NF1: variants seen among roughly 807,000 people sequenced by gnomAD.
NF1 encodes the protein neurofibromin 1, also known as neurofibromin.
In NF1, 122 loss-of-function variants were observed where a neutral mutation model predicts 325.7. That is an observed-to-expected ratio of 0.37 (90% CI 0.32 to 0.44). The LOEUF is 0.44. NF1 is among the 20% of genes least tolerant of loss of function. The pLI is 1.00. For synonymous variants in NF1, 1,091 were observed against 1,186.0 expected (o/e 0.92, Z 1.65); for missense variants, 2,140 against 3,415.4 (o/e 0.63, Z 9.31).
At position 31,366,238 on chromosome 17, in the gene NF1, A is replaced by AT. The variant is rs200123320; in HGVS notation, c.8377+5544dup. 4.6e-3 allele frequency among the ~76,000 whole-genome samples: 697 copies of AT among 151,542 alleles called. 6 individuals are homozygous for AT. The highest frequency in any genetic ancestry group is 0.016 in the African/African-American group (664 of 41,334). On this transcript the variant is annotated intron_variant, in intron 57 of 57. Transcript: ENST00000358273. Reference sequence around the variant, plus strand: ...CATGAGCCACCGCACCTGGCCTAAAATTTTTTTTTACTAGGAAAAAGGCTT... The same window carrying AT: ...CATGAGCCACCGCACCTGGCCTAAAATTTTTTTTTTACTAGGAAAAAGGCTT...
At chr17:31,270,008 TG>T (rs1305507520) in intron 36 of NF1, among the ~76,000 whole-genome samples, 1 of 152,198 alleles carries the variant, frequency 6.6e-6, no homozygotes, top group Non-Finnish European at 1.5e-5. Flanking sequence ...GTTACTAGAA[TG>T]AGGCAAAATG....
At chr17:31,242,728 AC>A (rs2067322060) in intron 29 of NF1, among the ~76,000 whole-genome samples, 1 of 152,150 alleles carries the variant, frequency 6.6e-6, no homozygotes, top group Non-Finnish European at 1.5e-5. Flanking sequence ...CTTCCTCAAA[AC>A]AGCTATTTTG....
Position 31,376,962 on chromosome 17 carries a change from A to C in NF1, c.*2807A>C, listed in dbSNP as rs1200159145. 4.3e-6 allele frequency: 1 copy of C among 233,252 alleles called. No homozygotes were observed. The highest frequency in any genetic ancestry group is 5.6e-5 in the Admixed American group (1 of 17,780). The allele number at this position is 233,252 out of a possible 1,614,324, so 14.4% of individuals were successfully genotyped here. ...TGCCCAGGACACATCCTAAACAGTC[A>C]GCTTCTATCCTGTGTCCTAGTTGGG... is the stretch of plus-strand genomic sequence containing the variant. On this transcript the variant is annotated 3_prime_UTR_variant, in exon 58 of 58. Transcript: ENST00000358273.
intron 30 of NF1, chr17:31,252,395 T>C (rs1222338868): frequency 5.1e-6 from 1 of 197,936 alleles, no homozygotes; most frequent in Admixed American, 6.1e-5. Flanking sequence ...GAGAGAGGTC[T>C]TTAATTCAGA....
chr17:31,262,253 A>ATT (rs1442567468), intron 35 of NF1, among the ~76,000 whole-genome samples: 1 of 152,222 alleles, frequency 6.6e-6, no homozygotes, highest in Non-Finnish European at 1.5e-5. Flanking sequence ...CTACTACACT[A>ATT]TAACATTTTT....
chr17:31,193,256 G>A (rs1392930101), intron 8 of NF1, among the ~76,000 whole-genome samples: 2 of 152,156 alleles, frequency 1.3e-5, no homozygotes, highest in East Asian at 1.9e-4. Context: ...AGGTGATTGT[G>A]ATGCACATTG....
chr17:31,187,175 G>T (rs1287027411), intron 8 of NF1, among the ~76,000 whole-genome samples: 2 of 152,114 alleles, frequency 1.3e-5, no homozygotes, highest in Non-Finnish European at 2.9e-5. Context: ...GTGCCAGTGG[G>T]CTCATGCTCA....
intron 31 of NF1, chr17:31,254,273 C>CAAAAAAA (rs35958218): frequency 8.4e-4 from 63 of 74,978 alleles, no homozygotes; most frequent in East Asian, 1.3e-3. Flanking sequence ...CCCTGTCTCA[C>CAAAAAAA]AAAAAAAAAA....
At chr17:31,345,214 CA>C (rs1265186774) in intron 48 of NF1, among the ~76,000 whole-genome samples, 4 of 152,136 alleles carry the variant, frequency 2.6e-5, no homozygotes, top group African/African-American at 9.7e-5. Flanking sequence ...AAAAGCTGGC[CA>C]AAGATCAAAT....
intron 1 of NF1, among the ~76,000 whole-genome samples, chr17:31,132,062 C>T (rs915376282): frequency 6.6e-6 from 1 of 152,070 alleles, no homozygotes; most frequent in Non-Finnish European, 1.5e-5. Context: ...TCTCAAGTAG[C>T]TGGGACTACA....
Position 31,232,245 on chromosome 17 carries a change from C to T in NF1, c.3314+56C>T, listed in dbSNP as rs529321007. On this transcript the variant is annotated intron_variant, in intron 25 of 57. Coordinates refer to ENST00000358273, the MANE Select transcript of NF1 (RefSeq NM_001042492.3). Reference sequence around the variant, plus strand: ...AAAAAGCAAATAAAGCCCCCCACCACACAAAAAAAGCAAAGAAATAATACC... The same window carrying T: ...AAAAAGCAAATAAAGCCCCCCACCATACAAAAAAAGCAAAGAAATAATACC... The T allele has an allele frequency of 6.5e-6, 7 of 1,077,086 alleles. No individual in the cohort carries two copies. The African/African-American group carries it at 9.3e-5, about 14-fold the overall frequency. The allele number at this position is 1,077,086 out of a possible 1,614,324, so 66.7% of individuals were successfully genotyped here.
chr17:31,225,519 C>T (rs1247387863), intron 17 of NF1, among the ~76,000 whole-genome samples: 1 of 152,066 alleles, frequency 6.6e-6, no homozygotes, highest in Non-Finnish European at 1.5e-5. Context: ...GCACTTGACA[C>T]TTACAAGCTA....
chr17:31,188,528 A>G (rs2066281701), intron 8 of NF1, among the ~76,000 whole-genome samples: 1 of 152,180 alleles, frequency 6.6e-6, no homozygotes, highest in Admixed American at 6.5e-5. Context: ...AAGATTATGT[A>G]TGATCTCAGG....
At chr17:31,138,766 T>C (rs539706977) in intron 1 of NF1, among the ~76,000 whole-genome samples, 4 of 149,874 alleles carry the variant, frequency 2.7e-5, no homozygotes, top group Admixed American at 6.7e-5. Flanking sequence ...GTATTTTTAG[T>C]AGAGACGGGG....
At chr17:31,371,343 A>G (rs1383761952) in intron 57 of NF1, among the ~76,000 whole-genome samples, 6 of 152,216 alleles carry the variant, frequency 3.9e-5, no homozygotes, top group African/African-American at 1.4e-4. Context: ...GGCAAGAGAC[A>G]GAATAATGCA....
chr17:31,288,972 G>A (rs973939369), intron 36 of NF1, among the ~76,000 whole-genome samples: 6 of 152,096 alleles, frequency 3.9e-5, no homozygotes, highest in Non-Finnish European at 7.4e-5. Flanking sequence ...AATAAGACTC[G>A]CAGGTTTGAC....
rs1208506527 is a variant in NF1 at position 31,119,748 on chromosome 17, AT to A, written c.60+24380del. ...TAGGGTTTTTATGGTTTTAGGTCTTATGTTTAAGTCTTTAATCAATCTTGAG... is the reference window on the plus strand; with the variant it reads ...TAGGGTTTTTATGGTTTTAGGTCTTAGTTTAAGTCTTTAATCAATCTTGAG... On this transcript the variant is annotated intron_variant, in intron 1 of 57. Coordinates refer to ENST00000358273, the MANE Select transcript of NF1 (RefSeq NM_001042492.3). Among the ~76,000 whole-genome samples, 3 of 152,202 alleles carry A rather than the reference AT, an allele frequency of 2.0e-5. No individual in the cohort carries two copies. The East Asian group carries it at 5.8e-4, about 29-fold the overall frequency.
In NF1 at chr17:31,357,254, T is replaced by G. The variant is rs2151583113; in HGVS notation, c.7870-15T>G. On this transcript the variant is annotated splice_polypyrimidine_tract_variant and intron_variant, in intron 53 of 57. Transcript: ENST00000358273. ...AGTAAAAATGTTGTGTGTTTACTTT[T>G]TTGCATCTTGGCAGGCTACACTGGT... The G allele has an allele frequency of 1.9e-6, 3 of 1,611,902 alleles. No individual in the cohort carries two copies. Among genetic ancestry groups the G allele is most frequent in the Non-Finnish European group, 2.5e-6 (3 of 1,178,024 alleles).
chr17:31,302,341 G>A (rs1365360126), intron 36 of NF1, among the ~76,000 whole-genome samples: 5 of 152,006 alleles, frequency 3.3e-5, no homozygotes, highest in African/African-American at 1.2e-4. Flanking sequence ...GAAAGAAGGT[G>A]GTAAAAAGGG....
Sources: allele counts gnomAD v4.1 joint callset (sites outside exome capture counted in the v4.1 genomes callset), GRCh38; gene constraint gnomAD v4.1.1; transcripts MANE v1.5; gene names NCBI Gene and HGNC (gene_info 2026-07-23, HGNC 2026-07-21).